TBC1D16: variants seen among roughly 807,000 people sequenced by gnomAD.
The protein encoded by TBC1D16 is CTD-2529O21.1.
A neutral mutation model predicts 74.7 loss-of-function variants in TBC1D16; 58 were observed. That is an observed-to-expected ratio of 0.78 (90% confidence interval 0.63 to 0.97). The LOEUF (loss-of-function observed/expected upper bound fraction) is 0.97. Among genes scored for constraint, TBC1D16 ranks in the 50% least tolerant of loss-of-function variants. TBC1D16 has a pLI of 0.00. For synonymous variants in TBC1D16, 493 were observed against 474.7 expected, an observed-to-expected ratio of 1.04 and a Z score of -0.50; for missense variants, 1,014 against 1,079.5, an observed-to-expected ratio of 0.94 and a Z score of 0.85.
chr17:79,995,654 G>A (rs1361002767), intron 3 of TBC1D16, among the ~76,000 whole-genome samples: 20 of 150,924 alleles, frequency 1.3e-4, no homozygotes, highest in Non-Finnish European at 3.0e-4. Flanking sequence ...GCGTGGTGGT[G>A]GGCGCCTGTA....
intron 1 of TBC1D16, among the ~76,000 whole-genome samples, chr17:80,014,269 A>C (rs890961136): frequency 6.6e-6 from 1 of 152,134 alleles, no homozygotes; most frequent in African/African-American, 2.4e-5. Context: ...AGGCAGGTGA[A>C]TCGCTTGAAC....
intron 3 of TBC1D16, among the ~76,000 whole-genome samples, chr17:80,004,155 T>C (rs2035590983): frequency 6.6e-6 from 1 of 152,244 alleles, no homozygotes; most frequent in African/African-American, 2.4e-5. Context: ...TTTCAAGGGT[T>C]CAAGAGCTGC....
Position 80,023,491 on chromosome 17 carries a change from G to A in TBC1D16, c.-62-9882C>T, listed in dbSNP as rs1030114623. Among the ~76,000 whole-genome samples, 11 of 150,038 alleles carry A rather than the reference G, an allele frequency of 7.3e-5. 1 individual carries two copies. Among genetic ancestry groups the A allele is most frequent in the Non-Finnish European group, 1.2e-4 (8 of 68,008 alleles). ...CCCTGCGGAGGCCCACAGCCCCTGC[G>A]GCCACTTCTTCCCCGAATCTCAATC... On this transcript the variant is annotated intron_variant, in intron 1 of 11. Coordinates refer to ENST00000310924, the MANE Select transcript of TBC1D16 (RefSeq NM_019020.4).
At chr17:79,976,469 G>A (rs1413195617) in intron 3 of TBC1D16, among the ~76,000 whole-genome samples, 4 of 152,244 alleles carry the variant, frequency 2.6e-5, no homozygotes. Flanking sequence ...GTGCACGTGT[G>A]TGTGTTTACA....
chr17:79,957,047 C>T (rs559758316), intron 3 of TBC1D16, among the ~76,000 whole-genome samples: 228 of 152,234 alleles, frequency 1.5e-3, no homozygotes, highest in Non-Finnish European at 2.9e-3. Context: ...GCCCTCCACC[C>T]GTGACTGCCA....
In TBC1D16 at chr17:80,009,496, C is replaced by G. The variant is rs964963710; in HGVS notation, c.779+664G>C. 1.3e-5 allele frequency among the ~76,000 whole-genome samples: 2 copies of G among 152,232 alleles called. No homozygotes were observed. The highest frequency in any genetic ancestry group is 4.8e-5 in the African/African-American group (2 of 41,466). ...CCGCAGGGCACGGGCCCAACTCTAG[C>G]TCCTGCAAGTGTGGCCAGCAAGGAG... On this transcript the variant is annotated intron_variant, in intron 3 of 11. Transcript: ENST00000310924. This position sits in a 1 kb window ranked among gnomAD's most constrained non-coding sequence, Gnocchi z 5.4.
At chr17:79,962,499 C>T (rs2033661715) in intron 3 of TBC1D16, among the ~76,000 whole-genome samples, 1 of 151,890 alleles carries the variant, frequency 6.6e-6, no homozygotes, top group African/African-American at 2.4e-5. Context: ...AGGTGTGACC[C>T]ACCACACCCG....
At chr17:80,006,510 G>A (rs932315092) in intron 3 of TBC1D16, among the ~76,000 whole-genome samples, 3 of 152,174 alleles carry the variant, frequency 2.0e-5, no homozygotes, top group South Asian at 2.1e-4. Flanking sequence ...CCGGGGGATG[G>A]GGATGGGGCA....
chr17:79,956,243 C>T lies in TBC1D16; in HGVS notation c.780-3425G>A, dbSNP rs2033329109. Among the ~76,000 whole-genome samples the T allele has an allele frequency of 6.6e-6, 1 of 152,292 alleles. No individual in the cohort carries two copies. Among genetic ancestry groups the T allele is most frequent in the Non-Finnish European group, 1.5e-5 (1 of 68,030 alleles). ...AACCAAAGGTCTGTGAGCAAAGAAG[C>T]GGTTTTTTGTTTGTTTGTTTGTTTT... On this transcript the variant is annotated intron_variant, in intron 3 of 11. Transcript: ENST00000310924. This position sits in a 1 kb window ranked among gnomAD's most constrained non-coding sequence, Gnocchi z 4.0.
chr17:79,951,550 C>G lies in TBC1D16; in HGVS notation c.989G>C (p.Ser330Thr). The G allele has an allele frequency of 1.2e-6, 2 of 1,614,046 alleles. No individual in the cohort carries two copies. Among genetic ancestry groups the G allele is most frequent in the South Asian group, 1.1e-5 (1 of 91,078 alleles). ...SGQLVVASRE[S>T]QYKVFHFHHG... is the part of the protein sequence containing the mutation. The stretch of plus-strand genomic sequence containing the variant: ...GTGGAAGTGGAAAACCTTGTACTGG[C>G]TCTCTCGGCTGGCAACGACCAGCTG... The change falls in exon 5 of 12, where the codon AGC becomes ACC. Residue 330 changes from serine (S) to threonine (T), a missense_variant. Coordinates refer to ENST00000310924, the MANE Select transcript of TBC1D16 (RefSeq NM_019020.4).
intron 7 of TBC1D16, 73 bp from the exon 8 acceptor site, chr17:79,949,079 G>T: frequency 6.3e-7 from 1 of 1,588,704 alleles, no homozygotes. Context: ...ACACACTGCA[G>T]GAAGCCACCC....
chr17:80,019,853 T>C (rs1269122595), intron 1 of TBC1D16, among the ~76,000 whole-genome samples: 1 of 149,850 alleles, frequency 6.7e-6, no homozygotes, highest in African/African-American at 2.5e-5. Flanking sequence ...ATCATAAATA[T>C]ATTTTCCCAG....
chr17:80,000,708 T>C lies in TBC1D16; in HGVS notation c.779+9452A>G, dbSNP rs2035455369. ...TATCTGCCCTGTACTGAGCCCTCTG[T>C]GCAGAGCTTTACACGCACGGCCTTC... On this transcript the variant is annotated intron_variant, in intron 3 of 11. Coordinates refer to ENST00000310924, the MANE Select transcript of TBC1D16 (RefSeq NM_019020.4). The surrounding 1 kb of genome is among the most constrained non-coding windows in gnomAD (Gnocchi z 4.1). Among the ~76,000 whole-genome samples, 2 of 152,216 alleles carry C rather than the reference T, an allele frequency of 1.3e-5. No individual in the cohort carries two copies.
At chr17:79,967,633 G>A (rs952227103) in intron 3 of TBC1D16, among the ~76,000 whole-genome samples, 2 of 152,172 alleles carry the variant, frequency 1.3e-5, no homozygotes, top group Non-Finnish European at 1.5e-5. Context: ...CACGTTCATG[G>A]ATTGGAAGAC....
At chr17:80,033,386 T>C (rs1468381196) in intron 1 of TBC1D16, among the ~76,000 whole-genome samples, 1 of 152,024 alleles carries the variant, frequency 6.6e-6, no homozygotes, top group Non-Finnish European at 1.5e-5. Flanking sequence ...TTTTAGGTTT[T>C]TTTTTTAAGC....
rs1207175552 is a variant in TBC1D16 at position 79,986,996 on chromosome 17, C to G, written c.779+23164G>C. Among the ~76,000 whole-genome samples the G allele has an allele frequency of 6.6e-6, 1 of 152,212 alleles. No homozygotes were observed. Among genetic ancestry groups the G allele is most frequent in the Non-Finnish European group, 1.5e-5 (1 of 68,030 alleles). On this transcript the variant is annotated intron_variant, in intron 3 of 11. Transcript: ENST00000310924. This position sits in a 1 kb window ranked among gnomAD's most constrained non-coding sequence, Gnocchi z 6.0. ...CCATCTGGGATATGTTTTGTTTCCA[C>G]AGAGGGACCCTGAATTTTGAGGTGG...
At position 79,936,904 on chromosome 17, in the gene TBC1D16, A is replaced by ATGTGTGTGTGTGTG. The variant is rs1491501708; in HGVS notation, c.*3954_*3955insCACACACACACACA. 6.5e-4 allele frequency: 45 copies of ATGTGTGTGTGTGTG among 68,892 alleles called. No individual in the cohort carries two copies. Among genetic ancestry groups the ATGTGTGTGTGTGTG allele is most frequent in the African/African-American group, 2.1e-3 (42 of 20,368 alleles). 4.3% of individuals were successfully genotyped at this position (68,892 alleles called of 1,614,324 possible). On this transcript the variant is annotated 3_prime_UTR_variant, in exon 12 of 12. Transcript: ENST00000310924. ...TGTGTGTGCATGCGTGCGTGTGTGC[A>ATGTGTGTGTGTGTG]TGTGCGTGTGTGTGTGTGTGTGTGT...
chr17:80,013,454 C>A lies in TBC1D16; in HGVS notation c.94G>T (p.Val32Phe), dbSNP rs768079167. Residue 32 changes from valine (V) to phenylalanine (F), a missense_variant, in exon 2 of 12, where the codon GTC becomes TTC. Transcript: ENST00000310924. ...GAGTAGATGATCTCTCCATCCAGGA[C>A]AGAGGGGGACCCGCTGCCGCTGCCA... Reference protein sequence around the residue: ...PGGSGSGSPSVLDGEIIYSKN... With the variant: ...PGGSGSGSPSFLDGEIIYSKN... 3 of 1,602,000 alleles carry A rather than the reference C, an allele frequency of 1.9e-6. No homozygotes were observed. Among genetic ancestry groups the A allele is most frequent in the East Asian group, 2.2e-5 (1 of 44,450 alleles).
In TBC1D16 at chr17:80,017,680, CAAAAAAA is replaced by C. The variant is rs57336950; in HGVS notation, c.-62-4078_-62-4072del. ...TGGGCGACAGAGCAAGACTCCATCT[CAAAAAAA>C]AAAAAAAAAAAAAAAAGTAAAAACC... On this transcript the variant is annotated intron_variant, in intron 1 of 11. Transcript: ENST00000310924. Among the ~76,000 whole-genome samples the C allele has an allele frequency of 4.1e-3, 346 of 84,852 alleles. 3 individuals carry two copies. The highest frequency in any genetic ancestry group is 0.013 in the African/African-American group (327 of 25,138). The allele number at this position is 84,852 out of a possible 152,430, so 55.7% of individuals were successfully genotyped here. A position where few individuals can be genotyped will look rare whatever the true frequency, so the allele number is the denominator to read the frequency against.
Sources: gnomAD v4.1 joint callset for allele counts (sites outside exome capture counted in the v4.1 genomes callset) on GRCh38, gnomAD v4.1.1 for gene constraint, Gnocchi (gnomAD v3.1) non-coding constraint, MANE v1.5 for transcripts, NCBI Gene and HGNC (gene_info 2026-07-23, HGNC 2026-07-21) for gene names.